Variants in IGSF10 observed in about 807,000 individuals in gnomAD.
The protein encoded by IGSF10 is calvaria mechanical force protein 608.
A neutral mutation model predicts 128.2 loss-of-function variants in IGSF10; 126 were observed. The observed-to-expected ratio is 0.98, with a 90% CI of 0.85 to 1.14. IGSF10 has a LOEUF of 1.14. IGSF10 is among the 50% of genes most tolerant of loss of function. The pLI is 0.00. For synonymous variants in IGSF10, 1,185 were observed against 1,146.2 expected, an observed-to-expected ratio of 1.03 and a Z score of -0.68; for missense variants, 3,295 against 3,149.8, an observed-to-expected ratio of 1.05 and a Z score of -1.10.
intron 6 of IGSF10, among the ~76,000 whole-genome samples, chr3:151,444,210 A>G (rs1721046833): frequency 6.6e-6 from 1 of 152,104 alleles, no homozygotes; most frequent in Non-Finnish European, 1.5e-5. Context: ...CCCTGGAGAC[A>G]TGATTGTACC....
At chr3:151,558,878 C>A in the IGSF10 span, among the ~76,000 whole-genome samples, 1 of 152,022 alleles carries the variant, frequency 6.6e-6, no homozygotes, top group Non-Finnish European at 1.5e-5. Flanking sequence ...TGGATAGATT[C>A]CATTTTTCAT....
the IGSF10 span, among the ~76,000 whole-genome samples, chr3:151,574,443 T>G: frequency 6.6e-6 from 1 of 152,194 alleles, no homozygotes; most frequent in Non-Finnish European, 1.5e-5. Context: ...TCTAAACTTC[T>G]CTTCTAACTT....
the IGSF10 span, among the ~76,000 whole-genome samples, chr3:151,471,040 C>T: frequency 9.9e-5 from 15 of 152,072 alleles, no homozygotes; most frequent in African/African-American, 2.4e-4. Flanking sequence ...CCACCGAAAT[C>T]GCACCTTGAA....
the IGSF10 span, among the ~76,000 whole-genome samples, chr3:151,516,670 G>C: frequency 5.3e-5 from 8 of 150,852 alleles, no homozygotes; most frequent in East Asian, 1.4e-3. Flanking sequence ...TCCAGAAGCA[G>C]AACATTGGTC....
At chr3:151,560,754 A>G in the IGSF10 span, among the ~76,000 whole-genome samples, 2 of 151,772 alleles carry the variant, frequency 1.3e-5, no homozygotes, top group Non-Finnish European at 2.9e-5. Context: ...ACTAGGGTGT[A>G]TATTTCTTCA....
At chr3:151,615,999 T>C in the IGSF10 span, among the ~76,000 whole-genome samples, 497 of 149,492 alleles carry the variant, frequency 3.3e-3, 3 homozygotes, top group African/African-American at 0.012. Flanking sequence ...AGTTTCACTC[T>C]TGTTGCCCAG....
At chr3:151,478,669 C>T in the IGSF10 span, among the ~76,000 whole-genome samples, 1 of 152,244 alleles carries the variant, frequency 6.6e-6, no homozygotes, top group Non-Finnish European at 1.5e-5. Context: ...TACTTCTGAT[C>T]ATCATAAGAA....
the IGSF10 span, among the ~76,000 whole-genome samples, chr3:151,542,796 G>C: frequency 6.6e-6 from 1 of 152,132 alleles, no homozygotes; most frequent in African/African-American, 2.4e-5. Context: ...AGTTACTGTT[G>C]ATGATTGTAA....
the IGSF10 span, among the ~76,000 whole-genome samples, chr3:151,614,713 C>G: frequency 7.9e-5 from 12 of 151,906 alleles, no homozygotes; most frequent in Non-Finnish European, 1.2e-4. Context: ...GGCGACATAC[C>G]TAATGCTAAA....
the IGSF10 span, among the ~76,000 whole-genome samples, chr3:151,556,223 A>C: frequency 6.6e-6 from 1 of 152,182 alleles, no homozygotes; most frequent in South Asian, 2.1e-4. Flanking sequence ...AATCAGATTC[A>C]CAGGAAAATT....
chr3:151,606,989 A>G, the IGSF10 span, among the ~76,000 whole-genome samples: 5 of 152,188 alleles, frequency 3.3e-5, no homozygotes, highest in African/African-American at 1.2e-4. Flanking sequence ...TTGTAGTGCC[A>G]TCTCTTCTGG....
In IGSF10 at chr3:151,437,255, TAAG is replaced by T; in HGVS notation, c.7303_7305del (p.Leu2435del). The T allele has an allele frequency of 6.2e-7, 1 of 1,614,198 alleles. No individual in the cohort carries two copies. The highest frequency in any genetic ancestry group is 8.5e-7 in the Non-Finnish European group (1 of 1,180,028). Reference sequence around the variant, plus strand: ...CCTTTTACTGTCCCTGGTGCATAGGTAAGAATAACTGGCTTCTGGCCAATTTCT... The same window carrying T: ...CCTTTTACTGTCCCTGGTGCATAGGTAATAACTGGCTTCTGGCCAATTTCT... On this transcript the variant is annotated inframe_deletion, in exon 8 of 8. Transcript: ENST00000282466.
chr3:151,529,243 C>G, the IGSF10 span, among the ~76,000 whole-genome samples: 3 of 152,224 alleles, frequency 2.0e-5, no homozygotes, highest in Non-Finnish European at 4.4e-5. Context: ...CTCCCTGGGA[C>G]AGAGCCCCTG....
chr3:151,508,686 T>G, the IGSF10 span, among the ~76,000 whole-genome samples: 3 of 152,162 alleles, frequency 2.0e-5, no homozygotes, highest in Non-Finnish European at 4.4e-5. Flanking sequence ...AGCTTTGAAA[T>G]TAAGTCTTTT....
rs748244136 is a variant in IGSF10, at chr3:151,443,564, T to TA, written c.5382dup (p.Arg1795Ter). The TA allele has an allele frequency of 1.8e-5, 29 of 1,614,264 alleles. No homozygotes were observed. The East Asian group carries it at 6.5e-4, about 36-fold the overall frequency. Reference sequence around the variant, plus strand: ...CCGTCAACCGTCACCACAGCCTGCCTACTTCCCTGGGATGATTCTGAGACA... The same window carrying TA: ...CCGTCAACCGTCACCACAGCCTGCCTAACTTCCCTGGGATGATTCTGAGACA... On this transcript the variant is annotated frameshift_variant, in exon 7 of 8. Coordinates refer to ENST00000282466, the MANE Select transcript of IGSF10 (RefSeq NM_178822.5). LOFTEE classifies it high-confidence loss of function.
At chr3:151,496,747 T>A in the IGSF10 span, among the ~76,000 whole-genome samples, 1 of 151,906 alleles carries the variant, frequency 6.6e-6, no homozygotes, top group Non-Finnish European at 1.5e-5. Context: ...CCCTGAGGAA[T>A]TTCCACACTG....
chr3:151,602,200 G>C, the IGSF10 span, among the ~76,000 whole-genome samples: 1 of 152,048 alleles, frequency 6.6e-6, no homozygotes, highest in African/African-American at 2.4e-5. Flanking sequence ...GGTTATTTTG[G>C]TTTTCTTCAT....
chr3:151,619,430 A>ATGTGTGTGTG, the IGSF10 span, among the ~76,000 whole-genome samples: 66 of 144,238 alleles, frequency 4.6e-4, no homozygotes, highest in Non-Finnish European at 7.8e-4. Context: ...ATTACTTTTA[A>ATGTGTGTGTG]TGTGTGTGTG....
rs773820268 is a variant in IGSF10 at position 151,445,032 on chromosome 3, A to G, written c.4949T>C (p.Ile1650Thr). The G allele has an allele frequency of 6.2e-6, 10 of 1,614,222 alleles. No individual in the cohort carries two copies. The highest frequency in any genetic ancestry group is 1.1e-5 in the South Asian group (1 of 91,080). The change falls in exon 6 of 8, where the codon ATA becomes ACA. Residue 1650 changes from isoleucine (I) to threonine (T), a missense_variant. Ile to Thr is a moderately conservative substitution (Grantham distance 89). Coordinates refer to ENST00000282466, the MANE Select transcript of IGSF10 (RefSeq NM_178822.5). ...AAAACTTGCAGCTTTTCCTCCAACT[A>G]TCCTGGGCTTTTCAAATATATACCT... ...LSRYIFEKPRIVGGKAASFTI... is the reference protein window; with the variant it reads ...LSRYIFEKPRTVGGKAASFTI...
Sources: gnomAD v4.1 joint callset for allele counts (sites outside exome capture counted in the v4.1 genomes callset) on GRCh38, gnomAD v4.1.1 for gene constraint, MANE v1.5 for transcripts, NCBI Gene and HGNC (gene_info 2026-07-23, HGNC 2026-07-21) for gene names.